TBC1D5: variants seen among roughly 807,000 people sequenced by gnomAD.
TBC1D5 encodes TBC1 domain family member 5.
Under a neutral mutation model 100.3 loss-of-function variants are expected in TBC1D5, and 75 were observed. The ratio of observed to expected loss-of-function variants is 0.75; its 90% CI spans 0.62 to 0.91. TBC1D5 has a LOEUF of 0.91. TBC1D5 is among the 40% of genes least tolerant of loss of function. The pLI, the probability that TBC1D5 is intolerant of heterozygous loss-of-function variation, is 0.00. For missense variants in TBC1D5, 910 were observed against 942.4 expected (o/e 0.97, Z 0.45); for synonymous variants, 323 against 325.6 (o/e 0.99, Z 0.09).
chr3:17,432,018 G>A (rs947495489), intron 3 of TBC1D5, among the ~76,000 whole-genome samples: 2 of 152,110 alleles, frequency 1.3e-5, no homozygotes, highest in African/African-American at 2.4e-5. Context: ...AAAACAGCCA[G>A]AATAACACTA....
intron 13 of TBC1D5, among the ~76,000 whole-genome samples, chr3:17,331,848 G>A (rs932750214): frequency 3.3e-5 from 5 of 152,200 alleles, no homozygotes; most frequent in African/African-American, 1.2e-4. Context: ...GGCAGGAACA[G>A]CTTGACGTGT....
chr3:17,320,280 A>G (rs921132242), intron 13 of TBC1D5, among the ~76,000 whole-genome samples: 1 of 152,230 alleles, frequency 6.6e-6, no homozygotes, highest in Non-Finnish European at 1.5e-5. Flanking sequence ...TGGTCTCTAA[A>G]CCAGCAGCAT....
intron 19 of TBC1D5, among the ~76,000 whole-genome samples, chr3:17,184,316 G>T (rs932832521): frequency 6.6e-5 from 10 of 152,116 alleles, no homozygotes; most frequent in Non-Finnish European, 1.0e-4. Context: ...TTTCAGGCAG[G>T]TGGTTAAAAA....
intron 3 of TBC1D5, among the ~76,000 whole-genome samples, chr3:17,455,854 A>C (rs1413325663): frequency 6.6e-6 from 1 of 152,148 alleles, no homozygotes; most frequent in African/African-American, 2.4e-5. Flanking sequence ...AAAATAAAAC[A>C]AAAAAGAACA....
intron 8 of TBC1D5, among the ~76,000 whole-genome samples, chr3:17,397,718 G>A (rs2093546071): frequency 6.6e-6 from 1 of 152,062 alleles, no homozygotes; most frequent in Non-Finnish European, 1.5e-5. Flanking sequence ...GGAGATACAA[G>A]TAAGAAAAAG....
chr3:17,705,929 G>A (rs917878050), intron 1 of TBC1D5: 49 of 1,108,824 alleles, frequency 4.4e-5, no homozygotes, highest in South Asian at 6.5e-5. Context: ...CGCGGGGCCC[G>A]TCCGCTCCTC....
intron 4 of TBC1D5, among the ~76,000 whole-genome samples, chr3:17,407,501 AAAAG>A (rs1483009206): frequency 1.3e-5 from 2 of 152,168 alleles, no homozygotes; most frequent in Non-Finnish European, 2.9e-5. Context: ...AGATTTCTGA[AAAAG>A]AAAGCCACTA....
At chr3:17,642,122 A>G (rs2064570435) in intron 1 of TBC1D5, among the ~76,000 whole-genome samples, 1 of 152,246 alleles carries the variant, frequency 6.6e-6, no homozygotes, top group South Asian at 2.1e-4. Context: ...TATAACATTT[A>G]AAATTTTTTA....
At chr3:17,306,024 G>A (rs1055486149) in intron 14 of TBC1D5, among the ~76,000 whole-genome samples, 8 of 152,218 alleles carry the variant, frequency 5.3e-5, no homozygotes, top group South Asian at 4.2e-4. Flanking sequence ...CATAACCTGC[G>A]GCTAGTCTCT....
chr3:17,539,400 G>A (rs764508093), intron 2 of TBC1D5, among the ~76,000 whole-genome samples: 1 of 152,132 alleles, frequency 6.6e-6, no homozygotes, highest in African/African-American at 2.4e-5. Context: ...AAAGAGAAAG[G>A]CATTCTCTAC....
intron 1 of TBC1D5, among the ~76,000 whole-genome samples, chr3:17,688,899 T>C (rs2070704173): frequency 6.6e-6 from 1 of 152,234 alleles, no homozygotes; most frequent in South Asian, 2.1e-4. Flanking sequence ...AATGAACACA[T>C]CTAACATAAA....
At chr3:17,717,999 T>C (rs976809564) in intron 1 of TBC1D5, among the ~76,000 whole-genome samples, 9 of 151,866 alleles carry the variant, frequency 5.9e-5, no homozygotes, top group African/African-American at 1.9e-4. Context: ...ATGACAAGAG[T>C]GGTTTTTCCT....
chr3:17,574,607 T>G (rs2096646412), intron 2 of TBC1D5, among the ~76,000 whole-genome samples: 1 of 152,124 alleles, frequency 6.6e-6, no homozygotes, highest in Non-Finnish European at 1.5e-5. Flanking sequence ...TGCTTGTCTC[T>G]AAGCATCTTA....
intron 19 of TBC1D5, among the ~76,000 whole-genome samples, chr3:17,173,214 T>C (rs146265504): frequency 2.8e-4 from 42 of 152,194 alleles, no homozygotes; most frequent in Non-Finnish European, 5.1e-4. Flanking sequence ...GACTTGAAGG[T>C]GGTGGAACTG....
chr3:17,325,274 A>G (rs1222935615), intron 13 of TBC1D5, among the ~76,000 whole-genome samples: 1 of 151,728 alleles, frequency 6.6e-6, no homozygotes, highest in African/African-American at 2.4e-5. Context: ...CAGTTAAAAA[A>G]AAAAAAAAAA....
intron 2 of TBC1D5, among the ~76,000 whole-genome samples, chr3:17,511,064 GA>G (rs2153233304): frequency 6.6e-6 from 1 of 152,092 alleles, no homozygotes; most frequent in South Asian, 2.1e-4. Context: ...TGCAGCCTAT[GA>G]ATAATTAGAA....
exon 17 of TBC1D5, chr3:17,238,391 T>C: frequency 1.9e-6 from 3 of 1,613,660 alleles, no homozygotes; most frequent in Non-Finnish European, 2.5e-6. Flanking sequence ...ACCTTATTTA[T>C]ATTCAGGGGA....
rs77046015 is a variant in TBC1D5, at chr3:17,298,921, T to C, written c.1139-6920A>G. Among the ~76,000 whole-genome samples, 183 of 152,326 alleles carry C rather than the reference T, an allele frequency of 1.2e-3. 1 individual carries two copies. The highest frequency in any genetic ancestry group is 4.0e-3 in the African/African-American group (168 of 41,572). On this transcript the variant is annotated intron_variant, in intron 14 of 21. Transcript: ENST00000253692. ...GATGTGTTCTGAGACCCCCAGTGGA[T>C]ACCTGAAACCTCAAATAGTATTCAG...
chr3:17,366,862 A>G (rs2092166154), intron 13 of TBC1D5, among the ~76,000 whole-genome samples: 1 of 152,176 alleles, frequency 6.6e-6, no homozygotes. Context: ...TTAGTAATCA[A>G]TAACCAAGAA....
Sources: gnomAD v4.1 joint callset for allele counts (sites outside exome capture counted in the v4.1 genomes callset) on GRCh38, gnomAD v4.1.1 for gene constraint, MANE v1.5 for transcripts, NCBI Gene and HGNC (gene_info 2026-07-23, HGNC 2026-07-21) for gene names.